CNOT6: variants seen among roughly 807,000 people sequenced by gnomAD.
The protein encoded by CNOT6 is CCR4-NOT transcription complex subunit 6.
CNOT6 carries 12 observed loss-of-function variants against 61.2 expected under a neutral mutation model. The observed-to-expected ratio is 0.20, with a 90% CI of 0.13 to 0.32. The LOEUF (loss-of-function observed/expected upper bound fraction) is 0.32, where lower values mean the gene tolerates loss of function less well. Among genes scored for constraint, CNOT6 ranks in the 10% least tolerant of loss-of-function variants. The pLI, the probability that CNOT6 is intolerant of heterozygous loss-of-function variation, is 1.00. For synonymous variants in CNOT6, 225 were observed against 240.6 expected (o/e 0.94, Z 0.60); for missense variants, 405 against 663.9 (o/e 0.61, Z 4.28).
chr5:180,552,688 TTGCCACTG>T (rs1759683639), intron 3 of CNOT6, among the ~76,000 whole-genome samples: 1 of 151,896 alleles, frequency 6.6e-6, no homozygotes, highest in South Asian at 2.1e-4. Flanking sequence ...ATGCGTTACA[TTGCCACTG>T]TGTCCGTATT....
At chr5:180,573,552 AGT>A (rs755954581) in intron 11 of CNOT6, among the ~76,000 whole-genome samples, 4,892 of 119,172 alleles carry the variant, frequency 0.041, 135 homozygotes, top group Non-Finnish European at 0.049. Flanking sequence ...GGAGGGGGGC[AGT>A]GTGTGTGTGT....
intron 2 of CNOT6, among the ~76,000 whole-genome samples, chr5:180,544,136 T>C (rs527663125): frequency 8.3e-4 from 127 of 152,332 alleles, no homozygotes; most frequent in African/African-American, 2.9e-3. Context: ...AAGTGACCTA[T>C]TCTTATCCAT....
rs761296809 is a variant in CNOT6, at chr5:180,567,200, G to A, written c.830G>A (p.Arg277Lys). 1.2e-6 allele frequency: 2 copies of A among 1,612,944 alleles called. No homozygotes were observed. Among genetic ancestry groups the A allele is most frequent in the East Asian group, 4.5e-5 (2 of 44,848 alleles). Residue 277 changes from arginine (R) to lysine (K), a missense_variant, in exon 8 of 12, where the codon AGG becomes AAG. Coordinates refer to ENST00000261951, the MANE Select transcript of CNOT6 (RefSeq NM_001370472.1). Reference sequence around the variant, plus strand: ...GCTAGGACAATGTCAGAACAAGAAAGGAAACATGTTGATGGCTGTGCAATA... The same window carrying A: ...GCTAGGACAATGTCAGAACAAGAAAAGAAACATGTTGATGGCTGTGCAATA... ...SRARTMSEQE[R>K]KHVDGCAIFF... is the part of the protein sequence containing the mutation.
chr5:180,534,007 C>A (rs1036591523), intron 2 of CNOT6, among the ~76,000 whole-genome samples: 6 of 152,304 alleles, frequency 3.9e-5, no homozygotes, highest in Middle Eastern at 3.4e-3. Context: ...ATAAAGGTGG[C>A]CACACCCATC....
intron 2 of CNOT6, among the ~76,000 whole-genome samples, chr5:180,532,992 CTGAACCCTGTTCT>C (rs1188558451): frequency 1.3e-5 from 2 of 152,210 alleles, no homozygotes; most frequent in Non-Finnish European, 2.9e-5. Flanking sequence ...TGGAAGCTCT[CTGAACCCTGTTCT>C]TTCGGGTTTT....
chr5:180,522,436 A>C (rs1480435049), intron 1 of CNOT6, among the ~76,000 whole-genome samples: 1 of 152,098 alleles, frequency 6.6e-6, no homozygotes, highest in African/African-American at 2.4e-5. Flanking sequence ...TAGTTCTTTG[A>C]GAAATCTCCA....
chr5:180,531,732 C>T (rs143326690), intron 2 of CNOT6, among the ~76,000 whole-genome samples: 2,087 of 152,334 alleles, frequency 0.014, 54 homozygotes, highest in African/African-American at 0.047. Context: ...TCTGTAATCC[C>T]GGCACCTCGG....
At chr5:180,549,783 A>G (rs1031871282) in intron 2 of CNOT6, 148 bp from the exon 3 acceptor site, 2 of 592,006 alleles carry the variant, frequency 3.4e-6, no homozygotes, top group African/African-American at 3.7e-5. Context: ...GAATCGTAGA[A>G]TAGGTAAGAT....
intron 2 of CNOT6, among the ~76,000 whole-genome samples, chr5:180,533,909 C>T (rs1316040991): frequency 3.9e-5 from 6 of 152,132 alleles, no homozygotes; most frequent in African/African-American, 7.2e-5. Context: ...CTTCCTCCTC[C>T]CTCACTTTAT....
intron 2 of CNOT6, among the ~76,000 whole-genome samples, chr5:180,533,779 C>T (rs559868543): frequency 6.6e-6 from 1 of 152,216 alleles, no homozygotes; most frequent in South Asian, 2.1e-4. Flanking sequence ...GTACAGTTTT[C>T]TTTTTTATAT....
chr5:180,563,216 ATTT>A (rs11379078), intron 4 of CNOT6, among the ~76,000 whole-genome samples: 5 of 140,230 alleles, frequency 3.6e-5, no homozygotes, highest in Non-Finnish European at 3.1e-5. Flanking sequence ...TTCCTGTTAA[ATTT>A]TTTTTTTTTT....
At chr5:180,536,571 TAGCTGGGACTAC>T (rs1758711527) in intron 2 of CNOT6, among the ~76,000 whole-genome samples, 1 of 152,106 alleles carries the variant, frequency 6.6e-6, no homozygotes, top group Admixed American at 6.6e-5. Flanking sequence ...GCCTCCTGAG[TAGCTGGGACTAC>T]AGGTGCACAC....
intron 2 of CNOT6, among the ~76,000 whole-genome samples, chr5:180,535,219 G>A (rs951782622): frequency 3.3e-5 from 5 of 152,232 alleles, no homozygotes; most frequent in South Asian, 2.1e-4. Context: ...TTTTCTTACC[G>A]GATATATTGT....
intron 2 of CNOT6, among the ~76,000 whole-genome samples, chr5:180,536,353 C>G (rs1026084218): frequency 6.6e-6 from 1 of 151,750 alleles, no homozygotes; most frequent in Non-Finnish European, 1.5e-5. Context: ...ATATAGTAAC[C>G]CTTTGTCAGA....
At chr5:180,514,499 C>CT (rs1757546028) in intron 1 of CNOT6, among the ~76,000 whole-genome samples, 1 of 152,190 alleles carries the variant, frequency 6.6e-6, no homozygotes. Flanking sequence ...GAAGAATAAT[C>CT]TAAGTGGTAT....
At chr5:180,502,571 TC>T (rs1172203990) in intron 1 of CNOT6, among the ~76,000 whole-genome samples, 1 of 152,246 alleles carries the variant, frequency 6.6e-6, no homozygotes, top group East Asian at 1.9e-4. Flanking sequence ...AAAGAGGAAA[TC>T]ATTAGACATG....
At chr5:180,540,834 A>G (rs1267199021) in intron 2 of CNOT6, among the ~76,000 whole-genome samples, 1 of 152,040 alleles carries the variant, frequency 6.6e-6, no homozygotes, top group Non-Finnish European at 1.5e-5. Flanking sequence ...ATACATTGTT[A>G]TTTTACTTTA....
At position 180,554,168 on chromosome 5, in the gene CNOT6, A is replaced by G. The variant is rs146975592; in HGVS notation, c.385+697A>G. Among the ~76,000 whole-genome samples the G allele has an allele frequency of 3.7e-3, 565 of 152,306 alleles. 2 individuals are homozygous for G. Among genetic ancestry groups the G allele is most frequent in the Middle Eastern group, 0.01 (3 of 294 alleles). ...CACAGTGGCTCACACCTGTAATCACAAAACTTTGGGAGGCTGAGGTGGGTG... is the reference window on the plus strand; with the variant it reads ...CACAGTGGCTCACACCTGTAATCACGAAACTTTGGGAGGCTGAGGTGGGTG... On this transcript the variant is annotated intron_variant, in intron 4 of 11. Transcript: ENST00000261951.
At chr5:180,564,619 T>C (rs763019741) in intron 5 of CNOT6, 26 bp downstream of exon 5, 1 of 1,609,622 alleles carries the variant, frequency 6.2e-7, no homozygotes, top group Admixed American at 1.7e-5. Flanking sequence ...TTTAAACCTT[T>C]TTATTAGGAA....
Sources: gnomAD v4.1 joint callset for allele counts (sites outside exome capture counted in the v4.1 genomes callset) on GRCh38, gnomAD v4.1.1 for gene constraint, MANE v1.5 for transcripts, NCBI Gene and HGNC (gene_info 2026-07-23, HGNC 2026-07-21) for gene names.